The following NTM variants were observed in gnomAD, a reference collection of about 807,000 sequenced individuals.
NTM encodes neurotrimin, also known as IgLON family member 2.
In NTM, 13 loss-of-function variants were observed where a neutral mutation model predicts 42.1. That is an observed-to-expected ratio of 0.31 (90% CI 0.20 to 0.49). NTM has a LOEUF of 0.49. Among genes scored for constraint, NTM ranks in the 20% least tolerant of loss-of-function variants. The pLI is 0.99. For synonymous variants in NTM, 187 were observed against 179.2 expected (o/e 1.04, Z -0.35); for missense variants, 373 against 452.8 (o/e 0.82, Z 1.60).
At chr11:131,960,815 T>C (rs1466920827) in intron 2 of NTM, among the ~76,000 whole-genome samples, 1 of 152,200 alleles carries the variant, frequency 6.6e-6, no homozygotes, top group African/African-American at 2.4e-5. Context: ...TTACATCCAG[T>C]AGCTCTAACT....
chr11:131,858,368 A>G (rs2046309923), intron 1 of NTM, among the ~76,000 whole-genome samples: 1 of 151,826 alleles, frequency 6.6e-6, no homozygotes, highest in Non-Finnish European at 1.5e-5. Context: ...TTGCTTTGCA[A>G]TTATTGAAAT....
At chr11:131,429,791 A>G (rs941512953) in intron 1 of NTM, among the ~76,000 whole-genome samples, 3 of 152,226 alleles carry the variant, frequency 2.0e-5, no homozygotes, top group African/African-American at 7.2e-5. Flanking sequence ...AGTAGGATTT[A>G]TAATGCAATT....
intron 1 of NTM, among the ~76,000 whole-genome samples, chr11:131,647,846 A>G (rs1012743773): frequency 1.3e-5 from 2 of 152,136 alleles, no homozygotes; most frequent in African/African-American, 4.8e-5. Flanking sequence ...TCCAGAAAGG[A>G]TAGTCTTTTT....
chr11:131,504,615 C>T (rs1402550727), intron 1 of NTM, among the ~76,000 whole-genome samples: 1 of 152,118 alleles, frequency 6.6e-6, no homozygotes, highest in Non-Finnish European at 1.5e-5. Context: ...TGTGCTGCTG[C>T]TCTGTTTGTC....
intron 2 of NTM, among the ~76,000 whole-genome samples, chr11:132,139,880 T>A (rs2068738167): frequency 6.6e-6 from 1 of 152,234 alleles, no homozygotes; most frequent in Admixed American, 6.5e-5. Flanking sequence ...TACACAATGT[T>A]CTGTAGAGAC....
chr11:131,960,685 C>A (rs78069155), intron 2 of NTM, among the ~76,000 whole-genome samples: 2,921 of 152,254 alleles, frequency 0.019, 79 homozygotes, highest in African/African-American at 0.067. Context: ...TCATTTTCCT[C>A]ATGAAGAGGA....
intron 3 of NTM, among the ~76,000 whole-genome samples, chr11:132,194,398 C>T (rs980651256): frequency 6.6e-6 from 1 of 151,992 alleles, no homozygotes; most frequent in Admixed American, 6.6e-5. Flanking sequence ...TGAAAAGGCT[C>T]TCAATAAAAT....
intron 1 of NTM, among the ~76,000 whole-genome samples, chr11:131,423,740 C>T (rs118077812): frequency 2.6e-5 from 4 of 152,256 alleles, no homozygotes; most frequent in Middle Eastern, 3.4e-3. Flanking sequence ...AGGCAGGCTG[C>T]CTGGAGGTCA....
At chr11:131,396,145 A>G (rs964092495) in intron 1 of NTM, among the ~76,000 whole-genome samples, 3 of 152,204 alleles carry the variant, frequency 2.0e-5, no homozygotes, top group Non-Finnish European at 2.9e-5. Flanking sequence ...CTTTCTTTCT[A>G]TCAAGAGAGC....
In NTM at chr11:131,769,650, G is replaced by A. The variant is rs547489025; in HGVS notation, c.83-141914G>A. ...CCTGTGGAGCAGATAGCATGAGCTC[G>A]CTTTTACAGACGAGGCAACCGGGAG... On this transcript the variant is annotated intron_variant, in intron 1 of 8. Transcript: ENST00000683400. 416 of 895,880 alleles carry A rather than the reference G, an allele frequency of 4.6e-4. No individual in the cohort carries two copies. The African/African-American group carries it at 6.6e-3, about 14-fold the overall frequency. The allele number at this position is 895,880 out of a possible 1,614,324, so 55.5% of individuals were successfully genotyped here. A position where few individuals can be genotyped will look rare whatever the true frequency, so the allele number is the denominator to read the frequency against.
chr11:131,530,243 A>G (rs1162394547), intron 1 of NTM, among the ~76,000 whole-genome samples: 1 of 152,206 alleles, frequency 6.6e-6, no homozygotes. Flanking sequence ...TGCTGAGTGC[A>G]TGAATGAAAG....
chr11:131,523,204 T>G (rs576921349), intron 1 of NTM, among the ~76,000 whole-genome samples: 1 of 152,318 alleles, frequency 6.6e-6, no homozygotes, highest in African/African-American at 2.4e-5. Flanking sequence ...GAAAGATATT[T>G]GTTGAATGAA....
intron 1 of NTM, among the ~76,000 whole-genome samples, chr11:131,769,294 AT>A (rs137913664): frequency 0.58 from 87,894 of 151,222 alleles, 25,798 homozygotes; most frequent in African/African-American, 0.67. Context: ...TGGTTTTCTC[AT>A]TTTTTTTTGA....
At chr11:132,009,398 A>G (rs112278146) in intron 2 of NTM, among the ~76,000 whole-genome samples, 3,581 of 152,306 alleles carry the variant, frequency 0.024, 55 homozygotes, top group South Asian at 0.054. Context: ...GTATGTGCCG[A>G]TGTAAAGCCA....
chr11:131,683,765 G>T (rs150619045), intron 1 of NTM, among the ~76,000 whole-genome samples: 132 of 152,334 alleles, frequency 8.7e-4, no homozygotes, highest in African/African-American at 3.0e-3. Flanking sequence ...CAAAGAGCAG[G>T]TGGCTGGAAG....
At chr11:131,928,632 G>A (rs997017230) in intron 2 of NTM, among the ~76,000 whole-genome samples, 11 of 143,644 alleles carry the variant, frequency 7.7e-5, no homozygotes, top group Non-Finnish European at 1.4e-4. Flanking sequence ...TCTGTGTTTT[G>A]TCCCACTGCA....
At position 132,068,012 on chromosome 11, in the gene NTM, G is replaced by T. The variant is rs112272669; in HGVS notation, c.168-78270G>T. The stretch of plus-strand genomic sequence containing the variant: ...AGGGATTCATATTATTAGACAAAAG[G>T]GTCCTCCACAGAATTTCTTAGATAA... On this transcript the variant is annotated intron_variant, in intron 2 of 8. Transcript: ENST00000683400. Among the ~76,000 whole-genome samples the T allele has an allele frequency of 5.8e-4, 88 of 152,118 alleles. 1 individual carries two copies. The highest frequency in any genetic ancestry group is 2.0e-3 in the African/African-American group (83 of 41,502).
chr11:131,910,810 G>A lies in NTM; in HGVS notation c.83-754G>A, dbSNP rs141880678. ...AGCCCCTGCCCCGCCGAGCCCCGCC[G>A]GACAGCGGCGGCCGCAGCGCGCATT... is the stretch of plus-strand genomic sequence containing the variant. On this transcript the variant is annotated intron_variant, in intron 1 of 8. Transcript: ENST00000683400. 2.6e-3 allele frequency: 2,533 copies of A among 984,022 alleles called. 55 individuals are homozygous for A. In the African/African-American group the frequency reaches 0.04, roughly 16 times the overall value. 61.0% of individuals were successfully genotyped at this position (984,022 alleles called of 1,614,324 possible). A position where few individuals can be genotyped will look rare whatever the true frequency, so the allele number is the denominator to read the frequency against.
chr11:131,785,871 G>C (rs182565317), intron 1 of NTM, among the ~76,000 whole-genome samples: 1 of 152,240 alleles, frequency 6.6e-6, no homozygotes, highest in Non-Finnish European at 1.5e-5. Context: ...TATTAGGATA[G>C]CCTTTGGCGA....
Sources: allele counts gnomAD v4.1 joint callset (sites outside exome capture counted in the v4.1 genomes callset), GRCh38; gene constraint gnomAD v4.1.1; transcripts MANE v1.5; gene names NCBI Gene and HGNC (gene_info 2026-07-23, HGNC 2026-07-21).